PMS1: variants seen among roughly 807,000 people sequenced by gnomAD.
PMS1 encodes the protein PMS1 protein homolog 1.
Under a neutral mutation model 93.1 loss-of-function variants are expected in PMS1, and 79 were observed. The ratio of observed to expected loss-of-function variants is 0.85; its 90% CI spans 0.71 to 1.02. The LOEUF (loss-of-function observed/expected upper bound fraction) is 1.02. Ranked by LOEUF, PMS1 falls within the 50% of genes least tolerant of loss-of-function variation. PMS1 has a pLI of 0.00. For synonymous variants in PMS1, 335 were observed against 363.4 expected (o/e 0.92, Z 0.89); for missense variants, 1,064 against 1,085.3 (o/e 0.98, Z 0.28).
At chr2:189,855,290 T>C (rs761807424) in intron 9 of PMS1, among the ~76,000 whole-genome samples, 162 bp downstream of exon 9, 62 of 152,016 alleles carry the variant, frequency 4.1e-4, no homozygotes, top group Non-Finnish European at 7.9e-4. Context: ...ACTTTTTTTT[T>C]CTGCTAATTT....
chr2:189,811,767 C>T (rs532774778), intron 4 of PMS1, among the ~76,000 whole-genome samples: 1 of 152,204 alleles, frequency 6.6e-6, no homozygotes. Context: ...TACCGAAAAC[C>T]AGTAATGTGT....
At chr2:189,846,419 G>A (rs1413404371) in intron 6 of PMS1, among the ~76,000 whole-genome samples, 1 of 152,042 alleles carries the variant, frequency 6.6e-6, no homozygotes, top group East Asian at 1.9e-4. Flanking sequence ...GGCTGAGGCA[G>A]GAGAATTGCT....
At chr2:189,868,823 T>G (rs1285574832) in intron 11 of PMS1, among the ~76,000 whole-genome samples, 1 of 152,198 alleles carries the variant, frequency 6.6e-6, no homozygotes, top group South Asian at 2.1e-4. Flanking sequence ...TTTGTGATTT[T>G]TAAGGATACC....
At chr2:189,787,961 G>A (rs1415526510) in intron 1 of PMS1, among the ~76,000 whole-genome samples, 1 of 152,104 alleles carries the variant, frequency 6.6e-6, no homozygotes, top group Non-Finnish European at 1.5e-5. Context: ...GATGCAATGG[G>A]ATGGGGTAGA....
chr2:189,827,524 G>A (rs1485900906), intron 5 of PMS1, among the ~76,000 whole-genome samples: 2 of 152,134 alleles, frequency 1.3e-5, no homozygotes, highest in Non-Finnish European at 2.9e-5. Flanking sequence ...ATAATAAAAG[G>A]TAGAAAGTTC....
At chr2:189,844,184 T>C (rs1559289789) in intron 6 of PMS1, 104 bp downstream of exon 6, 1 of 1,569,786 alleles carries the variant, frequency 6.4e-7, no homozygotes, top group African/African-American at 1.4e-5. Flanking sequence ...TCTTTTAATA[T>C]TTTAATCAAA....
At chr2:189,874,247 T>A (rs1478781912) in intron 12 of PMS1, among the ~76,000 whole-genome samples, 1 of 152,176 alleles carries the variant, frequency 6.6e-6, no homozygotes, top group Non-Finnish European at 1.5e-5. Flanking sequence ...AGTTCTTTTT[T>A]AAAAACATTT....
rs1464158457 is a variant in PMS1 at position 189,854,819 on chromosome 2, A to C, written c.1547A>C (p.Lys516Thr). The change falls in exon 9 of 13, where the codon AAA becomes ACA. Residue 516 changes from lysine (K) to threonine (T), a missense_variant. Lys to Thr is a moderately conservative substitution (Grantham distance 78). Coordinates refer to ENST00000441310, the MANE Select transcript of PMS1 (RefSeq NM_000534.5). ...NSVGENIEPV[K>T]ILVPEKSLPC... ...GTGGGAGAGAATATTGAACCTGTGA[A>C]AATTTTAGTGCCTGAAAAAAGTTTA... The C allele has an allele frequency of 1.6e-5, 25 of 1,612,874 alleles. No homozygotes were observed. The highest frequency in any genetic ancestry group is 2.0e-5 in the Non-Finnish European group (24 of 1,179,096).
chr2:189,873,358 A>G (rs2057309441), intron 11 of PMS1, 138 bp from the exon 12 acceptor site: 2 of 622,976 alleles, frequency 3.2e-6, no homozygotes, highest in Non-Finnish European at 5.7e-6. Flanking sequence ...TTGTTCTCCA[A>G]CTAAGGAACA....
In PMS1 at chr2:189,876,181, A is replaced by G. The variant is rs1467985684; in HGVS notation, c.2635-1091A>G. On this transcript the variant is annotated intron_variant, in intron 12 of 12. Transcript: ENST00000441310. ...GGAACTTGAGAGAAGTCATGTTGATATATGTGGTGAAAGAGTAGAAGTTAC... is the reference window on the plus strand; with the variant it reads ...GGAACTTGAGAGAAGTCATGTTGATGTATGTGGTGAAAGAGTAGAAGTTAC... Among the ~76,000 whole-genome samples, 3 of 152,124 alleles carry G rather than the reference A, an allele frequency of 2.0e-5. No individual in the cohort carries two copies. In the East Asian group the frequency reaches 5.8e-4, roughly 29 times the overall value.
intron 5 of PMS1, among the ~76,000 whole-genome samples, chr2:189,825,680 G>T (rs1333094231): frequency 6.6e-6 from 1 of 152,102 alleles, no homozygotes; most frequent in Non-Finnish European, 1.5e-5. Flanking sequence ...ATAATTAGAG[G>T]CCCACTGGTA....
In PMS1 at chr2:189,806,067, A is replaced by C. The variant is rs989616905; in HGVS notation, c.418+313A>C. ...GTCATCTTCATATATGAAGAAGATT[A>C]AAATTTTATTGAAACATATAAAACA... On this transcript the variant is annotated intron_variant, in intron 4 of 12. Transcript: ENST00000441310. The C allele has an allele frequency of 2.1e-5, 13 of 627,034 alleles. No homozygotes were observed. In the African/African-American group the frequency reaches 2.5e-4, roughly 12 times the overall value. The allele number at this position is 627,034 out of a possible 1,614,324, so 38.8% of individuals were successfully genotyped here.
chr2:189,848,265 T>G (rs949180408), intron 6 of PMS1, among the ~76,000 whole-genome samples: 1 of 152,182 alleles, frequency 6.6e-6, no homozygotes, highest in Admixed American at 6.6e-5. Flanking sequence ...CTATCATAAT[T>G]TAGTCTGAAG....
intron 1 of PMS1, among the ~76,000 whole-genome samples, chr2:189,788,694 A>G (rs2048585146): frequency 6.6e-6 from 1 of 152,172 alleles, no homozygotes; most frequent in Admixed American, 6.5e-5. Context: ...GTGTATCCAA[A>G]TAGGATAAAA....
Position 189,864,170 on chromosome 2 carries a change from C to A in PMS1, c.2284C>A (p.Leu762Ile), listed in dbSNP as rs538489643. The change falls in exon 10 of 13, where the codon CTT (leucine) becomes ATT (isoleucine). Residue 762 changes from leucine (L) to isoleucine (I), a missense_variant. Physicochemically the swap from Leu to Ile is conservative, Grantham distance 5. Coordinates refer to ENST00000441310, the MANE Select transcript of PMS1 (RefSeq NM_000534.5). ...AGAAGCCCTGCTATTTAAAAGACTT[C>A]TTGAGAATCATAAACTTCCTGCAGA... ...VEEALLFKRL[L>I]ENHKLPAEPL... 1.2e-6 allele frequency: 2 copies of A among 1,610,538 alleles called. No homozygotes were observed. The highest frequency in any genetic ancestry group is 2.7e-5 in the African/African-American group (2 of 74,662).
At chr2:189,871,477 G>T (rs256557) in intron 11 of PMS1, among the ~76,000 whole-genome samples, 1 of 152,208 alleles carries the variant, frequency 6.6e-6, no homozygotes, top group African/African-American at 2.4e-5. Flanking sequence ...TCCTTGCGGG[G>T]ACATAAAAAG....
chr2:189,863,710 A>T, intron 9 of PMS1, 33 bp from the exon 10 acceptor site: 1 of 1,467,892 alleles, frequency 6.8e-7, no homozygotes, highest in Non-Finnish European at 9.5e-7. Context: ...TCTGATTATG[A>T]TCTCATTAGT....
chr2:189,788,491 TAC>T (rs1334165723), intron 1 of PMS1, among the ~76,000 whole-genome samples: 4 of 152,210 alleles, frequency 2.6e-5, no homozygotes, highest in Admixed American at 1.3e-4. Flanking sequence ...TCCTCAGTGT[TAC>T]ATATCTGTTA....
At chr2:189,805,787 T>C (rs1575081457) in intron 4 of PMS1, 33 bp downstream of exon 4, 2 of 1,612,314 alleles carry the variant, frequency 1.2e-6, no homozygotes, top group East Asian at 2.2e-5. Flanking sequence ...AAACATTCTT[T>C]ACCTTTTCTG....
Sources: gnomAD v4.1 joint callset for allele counts (sites outside exome capture counted in the v4.1 genomes callset) on GRCh38, gnomAD v4.1.1 for gene constraint, MANE v1.5 for transcripts, NCBI Gene and HGNC (gene_info 2026-07-23, HGNC 2026-07-21) for gene names.